Variants in GRID2 observed in about 807,000 individuals in gnomAD.
GRID2 encodes glutamate ionotropic receptor delta type subunit 2.
A neutral mutation model predicts 114.8 loss-of-function variants in GRID2; 33 were observed. The observed-to-expected ratio is 0.29, with a 90% CI of 0.22 to 0.38. The LOEUF (loss-of-function observed/expected upper bound fraction) is 0.38, where lower values mean the gene tolerates loss of function less well. GRID2 is among the 10% of genes least tolerant of loss of function. GRID2 has a pLI of 1.00. For missense variants in GRID2, 1,184 were observed against 1,257.7 expected, an observed-to-expected ratio of 0.94 and a Z score of 0.89; for synonymous variants, 505 against 449.9, an observed-to-expected ratio of 1.12 and a Z score of -1.55.
chr4:93,801,963 A>G (rs1393342689), intron 1 of GRID2, among the ~76,000 whole-genome samples: 2 of 152,206 alleles, frequency 1.3e-5, no homozygotes, highest in Non-Finnish European at 2.9e-5. Flanking sequence ...AAAATCCTGT[A>G]TGTAGAATAT....
intron 14 of GRID2, among the ~76,000 whole-genome samples, chr4:93,767,317 G>T (rs1369319327): frequency 6.6e-6 from 1 of 152,076 alleles, no homozygotes; most frequent in Non-Finnish European, 1.5e-5. Flanking sequence ...GTACTGGTTT[G>T]CTGTGAAATG....
chr4:92,989,899 A>G (rs1316079848), intron 2 of GRID2, among the ~76,000 whole-genome samples: 1 of 152,164 alleles, frequency 6.6e-6, no homozygotes, highest in African/African-American at 2.4e-5. Flanking sequence ...AAATATTGTA[A>G]GATTCTAAGA....
chr4:93,037,414 C>A (rs944559408), intron 2 of GRID2, among the ~76,000 whole-genome samples: 48 of 152,098 alleles, frequency 3.2e-4, no homozygotes, highest in African/African-American at 1.2e-3. Flanking sequence ...ATAATAGTTC[C>A]TTTTGCTGTG....
chr4:93,294,956 A>G (rs1474338387), intron 8 of GRID2, among the ~76,000 whole-genome samples: 2 of 152,254 alleles, frequency 1.3e-5, no homozygotes, highest in African/African-American at 4.8e-5. Flanking sequence ...AGGGTGTGAA[A>G]TAAAGGGAGA....
At chr4:92,322,640 C>G (rs1354369797) in intron 1 of GRID2, among the ~76,000 whole-genome samples, 1 of 151,968 alleles carries the variant, frequency 6.6e-6, no homozygotes, top group Non-Finnish European at 1.5e-5. Flanking sequence ...AAATAAGCAC[C>G]CTAGTATTAG....
chr4:92,806,065 A>C (rs912006087), intron 2 of GRID2, among the ~76,000 whole-genome samples: 1 of 151,740 alleles, frequency 6.6e-6, no homozygotes, highest in African/African-American at 2.4e-5. Context: ...TATTTCTCTC[A>C]AACATCATTT....
At chr4:92,611,088 ATATATG>A (rs1342096889) in intron 2 of GRID2, among the ~76,000 whole-genome samples, 1 of 136,028 alleles carries the variant, frequency 7.4e-6, no homozygotes, top group Non-Finnish European at 1.7e-5. Flanking sequence ...ATGTGTGTAT[ATATATG>A]TGTGTGTGTA....
At chr4:92,776,260 C>T (rs184130937) in intron 2 of GRID2, among the ~76,000 whole-genome samples, 2 of 152,162 alleles carry the variant, frequency 1.3e-5, no homozygotes, top group African/African-American at 4.8e-5. Flanking sequence ...TATACTGATA[C>T]AGGAAAATTA....
intron 1 of GRID2, among the ~76,000 whole-genome samples, chr4:93,797,016 A>AC (rs1445715168): frequency 2.6e-5 from 4 of 152,194 alleles, no homozygotes; most frequent in Non-Finnish European, 5.9e-5. Flanking sequence ...CCTACTACAC[A>AC]CCTACGATGT....
rs1734889402 is a variant in GRID2 at position 92,704,989 on chromosome 4, G to A, written c.244+114703G>A. On this transcript the variant is annotated intron_variant, in intron 2 of 15. Transcript: ENST00000282020. Reference sequence around the variant, plus strand: ...TTGTAAGCATTTCAAGGTAATAAGTGCAAAGTACCTTGGACATAGGGGATA... The same window carrying A: ...TTGTAAGCATTTCAAGGTAATAAGTACAAAGTACCTTGGACATAGGGGATA... Among the ~76,000 whole-genome samples, 2 of 151,996 alleles carry A rather than the reference G, an allele frequency of 1.3e-5. 1 individual carries two copies. Among genetic ancestry groups the A allele is most frequent in the Admixed American group, 1.3e-4 (2 of 15,236 alleles).
intron 14 of GRID2, among the ~76,000 whole-genome samples, chr4:93,699,408 G>T (rs964734968): frequency 1.3e-5 from 2 of 152,112 alleles, no homozygotes; most frequent in Non-Finnish European, 2.9e-5. Context: ...AGGTGAGGAC[G>T]TATTAAGACA....
At chr4:92,474,086 G>A (rs1579428054) in intron 1 of GRID2, among the ~76,000 whole-genome samples, 1 of 151,310 alleles carries the variant, frequency 6.6e-6, no homozygotes, top group Non-Finnish European at 1.5e-5. Flanking sequence ...ATAATTAACT[G>A]TAGTCAACAT....
intron 8 of GRID2, chr4:93,258,834 A>G (rs1489237762): frequency 4.5e-6 from 2 of 447,702 alleles, no homozygotes; most frequent in Admixed American, 4.9e-5. Flanking sequence ...AACAACATGA[A>G]AGTAATTAAC....
At chr4:93,720,168 G>A (rs988239083) in intron 14 of GRID2, among the ~76,000 whole-genome samples, 1 of 152,076 alleles carries the variant, frequency 6.6e-6, no homozygotes, top group Non-Finnish European at 1.5e-5. Context: ...TACAAGAAGA[G>A]AACAAATGAG....
chr4:93,428,649 C>A (rs550617398), intron 10 of GRID2, among the ~76,000 whole-genome samples: 1 of 151,796 alleles, frequency 6.6e-6, no homozygotes, highest in African/African-American at 2.4e-5. Flanking sequence ...GAGGGTGGGG[C>A]GGAATATAAA....
intron 8 of GRID2, among the ~76,000 whole-genome samples, chr4:93,286,307 C>T (rs536576703): frequency 6.6e-6 from 1 of 152,006 alleles, no homozygotes; most frequent in Non-Finnish European, 1.5e-5. Context: ...ATGGATTAAC[C>T]AGAAAATTTA....
At chr4:92,609,621 T>TAC (rs1215143643) in intron 2 of GRID2, among the ~76,000 whole-genome samples, 1 of 148,036 alleles carries the variant, frequency 6.8e-6, no homozygotes, top group East Asian at 2.1e-4. Context: ...GGAAATAATA[T>TAC]ATATTATATA....
At chr4:93,340,609 C>G (rs1171061891) in intron 8 of GRID2, among the ~76,000 whole-genome samples, 2 of 152,034 alleles carry the variant, frequency 1.3e-5, no homozygotes, top group Non-Finnish European at 2.9e-5. Context: ...TCTCAAATGT[C>G]TGATGACACT....
At chr4:92,766,144 A>T (rs1042313593) in intron 2 of GRID2, among the ~76,000 whole-genome samples, 1 of 152,184 alleles carries the variant, frequency 6.6e-6, no homozygotes, top group African/African-American at 2.4e-5. Context: ...CTTCTGGCAA[A>T]GCTACTATAA....
Sources: allele counts gnomAD v4.1 joint callset (sites outside exome capture counted in the v4.1 genomes callset), GRCh38; gene constraint gnomAD v4.1.1; transcripts MANE v1.5; gene names NCBI Gene and HGNC (gene_info 2026-07-23, HGNC 2026-07-21).